PLCH1: variants seen among roughly 807,000 people sequenced by gnomAD.
PLCH1 encodes phospholipase C eta 1.
Under a neutral mutation model 126.7 loss-of-function variants are expected in PLCH1, and 60 were observed. That is an observed-to-expected ratio of 0.47 (90% confidence interval 0.38 to 0.59). The LOEUF (loss-of-function observed/expected upper bound fraction) is 0.59. Among genes scored for constraint, PLCH1 ranks in the 20% least tolerant of loss-of-function variants. PLCH1 has a pLI of 0.00. For synonymous variants in PLCH1, 719 were observed against 734.9 expected, an observed-to-expected ratio of 0.98 and a Z score of 0.35; for missense variants, 1,723 against 2,040.0, an observed-to-expected ratio of 0.84 and a Z score of 2.99.
chr3:155,492,947 C>G, intron 17 of PLCH1, 94 bp from the exon 18 acceptor site: 1 of 1,062,900 alleles, frequency 9.4e-7, no homozygotes. Flanking sequence ...CAAACAAAAA[C>G]AAATGCTGAA....
At chr3:155,649,389 C>T (rs898371329) in intron 2 of PLCH1, among the ~76,000 whole-genome samples, 4 of 152,168 alleles carry the variant, frequency 2.6e-5, no homozygotes, top group African/African-American at 9.7e-5. Context: ...ACTCAGCAGA[C>T]CTTGTTCCCT....
chr3:155,602,053 C>T (rs887643947), intron 2 of PLCH1, among the ~76,000 whole-genome samples: 3 of 152,108 alleles, frequency 2.0e-5, no homozygotes, highest in Non-Finnish European at 2.9e-5. Flanking sequence ...CCACATCATG[C>T]TAAACTCTTC....
chr3:155,560,405 T>C (rs1727411342), intron 8 of PLCH1, among the ~76,000 whole-genome samples: 2 of 152,204 alleles, frequency 1.3e-5, no homozygotes, highest in South Asian at 4.1e-4. Flanking sequence ...TTCCTCTTAA[T>C]ATTTTATAGC....
chr3:155,601,560 T>C (rs921672397), intron 2 of PLCH1, among the ~76,000 whole-genome samples: 6 of 152,186 alleles, frequency 3.9e-5, no homozygotes, highest in African/African-American at 9.6e-5. Flanking sequence ...GATTACTATA[T>C]ATCATTTGGA....
intron 14 of PLCH1, 42 bp downstream of exon 14, chr3:155,500,661 G>T: frequency 8.7e-7 from 1 of 1,151,014 alleles, no homozygotes; most frequent in Non-Finnish European, 1.3e-6. Flanking sequence ...GGATGGAGGG[G>T]CCTCAGGAGT....
rs895389687 is a variant in PLCH1 at position 155,591,866 on chromosome 3, G to A, written c.470+2075C>T. On this transcript the variant is annotated intron_variant, in intron 4 of 22. Coordinates refer to ENST00000460012, the MANE Select transcript of PLCH1 (RefSeq NM_014996.4). ...ACTACAGGCATGTGTCACCACACCT[G>A]GCTAATCTTTTTAATTGTTTGTAAA... Among the ~76,000 whole-genome samples, 11 of 152,080 alleles carry A rather than the reference G, an allele frequency of 7.2e-5. No individual in the cohort carries two copies. The East Asian group carries it at 2.1e-3, about 30-fold the overall frequency.
intron 21 of PLCH1, among the ~76,000 whole-genome samples, chr3:155,459,038 A>G (rs1712605733): frequency 6.6e-6 from 1 of 152,218 alleles, no homozygotes; most frequent in Admixed American, 6.5e-5. Flanking sequence ...AGTAATAACA[A>G]CGGGCAAGCT....
At chr3:155,581,804 T>C (rs1730715748) in intron 6 of PLCH1, among the ~76,000 whole-genome samples, 1 of 149,788 alleles carries the variant, frequency 6.7e-6, no homozygotes, top group South Asian at 2.1e-4. Flanking sequence ...TGCAGTGCAA[T>C]GACGCTATCT....
intron 2 of PLCH1, among the ~76,000 whole-genome samples, chr3:155,613,521 A>G (rs966425974): frequency 5.3e-5 from 8 of 152,226 alleles, no homozygotes; most frequent in Non-Finnish European, 1.0e-4. Flanking sequence ...TAAATATGTT[A>G]CACCACATGA....
intron 2 of PLCH1, among the ~76,000 whole-genome samples, chr3:155,668,254 T>C (rs1743017161): frequency 1.3e-5 from 2 of 152,262 alleles, no homozygotes; most frequent in Middle Eastern, 3.4e-3. Flanking sequence ...TGCCAATATT[T>C]GCTTCACTTT....
intron 1 of PLCH1, among the ~76,000 whole-genome samples, chr3:155,711,177 C>T (rs532605359): frequency 2.6e-5 from 4 of 151,912 alleles, no homozygotes; most frequent in African/African-American, 9.7e-5. Flanking sequence ...ATAAACAGAG[C>T]CATGTAAGTG....
chr3:155,486,139 G>A lies in PLCH1; in HGVS notation c.2620-429C>T, dbSNP rs149842971. On this transcript the variant is annotated intron_variant, in intron 21 of 22. Transcript: ENST00000460012. ...CAGCCAGAACAAAGCACCATGCTGA[G>A]AAACTACCTTTGTAGCTCCTAGAAA... The A allele has an allele frequency of 8.5e-6, 13 of 1,525,444 alleles. No individual in the cohort carries two copies. In the African/African-American group the frequency reaches 1.8e-4, roughly 21 times the overall value. The allele number at this position is 1,525,444 out of a possible 1,614,324, so 94.5% of individuals were successfully genotyped here. A position where few individuals can be genotyped will look rare whatever the true frequency, so the allele number is the denominator to read the frequency against.
intron 21 of PLCH1, among the ~76,000 whole-genome samples, chr3:155,458,070 A>G (rs960678953): frequency 6.6e-6 from 1 of 152,096 alleles, no homozygotes; most frequent in Non-Finnish European, 1.5e-5. Flanking sequence ...GGCCGGGGAC[A>G]GTGTCTCATG....
At chr3:155,647,880 A>G (rs1488256127) in intron 2 of PLCH1, among the ~76,000 whole-genome samples, 1 of 152,176 alleles carries the variant, frequency 6.6e-6, no homozygotes, top group Admixed American at 6.5e-5. Context: ...CTAGATTCTT[A>G]AATCCTGTGC....
In PLCH1 at chr3:155,482,626, T is replaced by G; in HGVS notation, c.3400A>C (p.Arg1134=). 1 of 1,614,132 alleles carries G rather than the reference T, an allele frequency of 6.2e-7. No individual in the cohort carries two copies. The highest frequency in any genetic ancestry group is 8.5e-7 in the Non-Finnish European group (1 of 1,179,964). Residue 1134 remains arginine (R), a synonymous_variant, in exon 23 of 23, where the codon AGG becomes CGG. Coordinates refer to ENST00000460012, the MANE Select transcript of PLCH1 (RefSeq NM_014996.4). ...NLEIKNLEGN[R]GKGRAATSFS... ...GATGTTGCAGCTCGGCCCTTACCCC[T>G]ATTACCTTCCAGGTTCTTAATTTCT... is the stretch of plus-strand genomic sequence containing the variant.
At chr3:155,654,682 C>A (rs529319890) in intron 2 of PLCH1, among the ~76,000 whole-genome samples, 5 of 152,182 alleles carry the variant, frequency 3.3e-5, no homozygotes, top group African/African-American at 9.7e-5. Context: ...CTTCTCATAA[C>A]TTCCCCAGCT....
At chr3:155,635,668 T>C (rs1273911345) in intron 2 of PLCH1, among the ~76,000 whole-genome samples, 3 of 152,220 alleles carry the variant, frequency 2.0e-5, no homozygotes, top group African/African-American at 7.2e-5. Flanking sequence ...TCTAGTAGTC[T>C]TTTTGCTTGC....
intron 2 of PLCH1, among the ~76,000 whole-genome samples, chr3:155,698,592 C>T (rs1746005673): frequency 6.6e-6 from 1 of 152,128 alleles, no homozygotes; most frequent in African/African-American, 2.4e-5. Flanking sequence ...TAGACAATCT[C>T]GCATTTCTTA....
At chr3:155,523,110 G>T (rs1406459219) in intron 11 of PLCH1, among the ~76,000 whole-genome samples, 2 of 151,954 alleles carry the variant, frequency 1.3e-5, no homozygotes, top group Non-Finnish European at 2.9e-5. Flanking sequence ...GAGTAGCTAG[G>T]ACTACAGGCG....
Sources: allele counts gnomAD v4.1 joint callset (sites outside exome capture counted in the v4.1 genomes callset), GRCh38; gene constraint gnomAD v4.1.1; transcripts MANE v1.5; gene names NCBI Gene and HGNC (gene_info 2026-07-23, HGNC 2026-07-21).